The following GLCCI1 variants were observed in gnomAD, a reference collection of about 807,000 sequenced individuals.
GLCCI1 encodes glucocorticoid induced 1.
Under a neutral mutation model 52.2 loss-of-function variants are expected in GLCCI1, and 24 were observed. The observed-to-expected ratio is 0.46, with a 90% CI of 0.33 to 0.65. The LOEUF (loss-of-function observed/expected upper bound fraction) is 0.65, where lower values mean the gene tolerates loss of function less well. Among genes scored for constraint, GLCCI1 ranks in the 30% least tolerant of loss-of-function variants. The probability of loss-of-function intolerance (pLI) is 0.02; values close to 1 mark genes in which losing one functional copy is unlikely to be tolerated. For synonymous variants in GLCCI1, 310 were observed against 276.5 expected (o/e 1.12, Z -1.20); for missense variants, 704 against 701.5 (o/e 1.00, Z -0.04).
intron 6 of GLCCI1, among the ~76,000 whole-genome samples, chr7:8,074,172 AT>A (rs1368567865): frequency 4.6e-5 from 7 of 152,204 alleles, no homozygotes; most frequent in African/African-American, 1.4e-4. Flanking sequence ...AATATGTGAT[AT>A]CTGTCTTTAA....
At chr7:8,019,310 A>G (rs1484622940) in intron 2 of GLCCI1, among the ~76,000 whole-genome samples, 1 of 152,210 alleles carries the variant, frequency 6.6e-6, no homozygotes, top group Non-Finnish European at 1.5e-5. Context: ...TTAGGTCCTC[A>G]TTAATTTAAA....
chr7:8,060,932 A>G (rs763861339), intron 5 of GLCCI1, among the ~76,000 whole-genome samples: 3 of 152,140 alleles, frequency 2.0e-5, no homozygotes, highest in Non-Finnish European at 4.4e-5. Flanking sequence ...GTATATTCCT[A>G]CCAGTGTATA....
chr7:8,057,171 G>A (rs756055223), intron 4 of GLCCI1, among the ~76,000 whole-genome samples: 2 of 151,984 alleles, frequency 1.3e-5, no homozygotes, highest in African/African-American at 4.8e-5. Flanking sequence ...TATGCTGACC[G>A]TTCAACCTAG....
intron 2 of GLCCI1, among the ~76,000 whole-genome samples, chr7:8,009,562 A>T (rs950543871): frequency 2.0e-5 from 3 of 152,142 alleles, no homozygotes; most frequent in Non-Finnish European, 4.4e-5. Flanking sequence ...TGGCCATGAG[A>T]CTTGATTTGG....
intron 3 of GLCCI1, among the ~76,000 whole-genome samples, chr7:8,040,275 C>G (rs954169092): frequency 6.6e-6 from 1 of 152,006 alleles, no homozygotes; most frequent in Non-Finnish European, 1.5e-5. Context: ...CTTTTGAGCT[C>G]ATGAGTTCAA....
intron 3 of GLCCI1, among the ~76,000 whole-genome samples, chr7:8,033,703 C>G (rs78114345): frequency 0.015 from 2,287 of 152,072 alleles, 52 homozygotes; most frequent in East Asian, 0.084. Flanking sequence ...AGAATTTATA[C>G]ACTGAAAATA....
intron 6 of GLCCI1, among the ~76,000 whole-genome samples, chr7:8,072,085 G>A (rs939542290): frequency 3.9e-5 from 6 of 152,106 alleles, no homozygotes; most frequent in Admixed American, 1.3e-4. Flanking sequence ...TATAGATATA[G>A]AAGATTTTTA....
Position 8,019,543 on chromosome 7 carries a change from T to A in GLCCI1, c.610-2940T>A, listed in dbSNP as rs1369005019. Among the ~76,000 whole-genome samples the A allele has an allele frequency of 2.6e-5, 4 of 152,212 alleles. 1 individual carries two copies. Among genetic ancestry groups the A allele is most frequent in the Non-Finnish European group, 5.9e-5 (4 of 68,042 alleles). On this transcript the variant is annotated intron_variant, in intron 2 of 7. Transcript: ENST00000223145. ...CTCTTTCAGTCGTTTTTCTTTTTTT[T>A]AAACTACAGTCACTGTCACTTCATG...
intron 1 of GLCCI1, among the ~76,000 whole-genome samples, chr7:7,983,626 T>C (rs545111276): frequency 6.6e-6 from 1 of 152,304 alleles, no homozygotes; most frequent in African/African-American, 2.4e-5. Flanking sequence ...AATCCTTACA[T>C]AGGGTTTATA....
intron 3 of GLCCI1, among the ~76,000 whole-genome samples, chr7:8,023,047 G>A (rs1234631284): frequency 1.3e-5 from 2 of 152,078 alleles, no homozygotes; most frequent in African/African-American, 2.4e-5. Flanking sequence ...ACGGAGTCTC[G>A]CTCTGTTGCC....
intron 6 of GLCCI1, among the ~76,000 whole-genome samples, chr7:8,082,895 G>A (rs940228855): frequency 6.6e-6 from 1 of 152,210 alleles, no homozygotes; most frequent in African/African-American, 2.4e-5. Flanking sequence ...GAAAGAATGT[G>A]ATAGGCCTGA....
chr7:7,989,235 A>G (rs952418266), intron 1 of GLCCI1, among the ~76,000 whole-genome samples: 1 of 152,026 alleles, frequency 6.6e-6, no homozygotes, highest in African/African-American at 2.4e-5. Context: ...TGAAGAAGGT[A>G]GTCCACTAGC....
At chr7:8,046,196 A>G (rs1782122211) in intron 3 of GLCCI1, among the ~76,000 whole-genome samples, 1 of 152,110 alleles carries the variant, frequency 6.6e-6, no homozygotes. Flanking sequence ...GGATGAATCA[A>G]GTCACGTAGA....
chr7:8,055,726 AC>A, intron 4 of GLCCI1, 177 bp downstream of exon 4: 1 of 466,526 alleles, frequency 2.1e-6, no homozygotes, highest in South Asian at 2.2e-5. Flanking sequence ...TTGGTGGCTC[AC>A]GCCTGTAATC....
chr7:8,053,782 C>T (rs890106525), intron 3 of GLCCI1, among the ~76,000 whole-genome samples: 3 of 152,036 alleles, frequency 2.0e-5, no homozygotes, highest in African/African-American at 7.2e-5. Flanking sequence ...CCCTAATTCC[C>T]ACGGGATTGT....
chr7:8,030,449 T>G (rs1205525553), intron 3 of GLCCI1, among the ~76,000 whole-genome samples: 1 of 151,978 alleles, frequency 6.6e-6, no homozygotes, highest in African/African-American at 2.4e-5. Context: ...AAGAAACCAT[T>G]GGGGAAATTC....
chr7:8,045,454 A>G (rs759795632), intron 3 of GLCCI1, among the ~76,000 whole-genome samples: 10 of 152,236 alleles, frequency 6.6e-5, no homozygotes, highest in Non-Finnish European at 8.8e-5. Context: ...ATATGATGAA[A>G]GGACCTATTG....
intron 2 of GLCCI1, among the ~76,000 whole-genome samples, chr7:8,018,665 C>T (rs1781424123): frequency 6.6e-6 from 1 of 152,122 alleles, no homozygotes; most frequent in Non-Finnish European, 1.5e-5. Flanking sequence ...ACCCCTTCTA[C>T]CTATAGGTAT....
At chr7:8,069,733 T>TA (rs1164660134) in intron 5 of GLCCI1, among the ~76,000 whole-genome samples, 3 of 152,224 alleles carry the variant, frequency 2.0e-5, no homozygotes, top group Non-Finnish European at 4.4e-5. Context: ...ATTTCGGCCT[T>TA]CACTTGTTTG....
Sources: gnomAD v4.1 joint callset for allele counts (sites outside exome capture counted in the v4.1 genomes callset) on GRCh38, gnomAD v4.1.1 for gene constraint, MANE v1.5 for transcripts, NCBI Gene and HGNC (gene_info 2026-07-23, HGNC 2026-07-21) for gene names.